The following SOX5 variants were observed in gnomAD, a reference collection of about 807,000 sequenced individuals.
SOX5 encodes the protein transcription factor SOX-5.
SOX5 carries 9 observed loss-of-function variants against 92.0 expected under a neutral mutation model. The ratio of observed to expected loss-of-function variants is 0.10; its 90% CI spans 0.06 to 0.17. SOX5 has a LOEUF of 0.17. Among genes scored for constraint, SOX5 ranks in the 10% least tolerant of loss-of-function variants. The pLI, the probability that SOX5 is intolerant of heterozygous loss-of-function variation, is 1.00. For synonymous variants in SOX5, 344 were observed against 336.3 expected (o/e 1.02, Z -0.25); for missense variants, 642 against 944.5 (o/e 0.68, Z 4.20).
At chr12:24,206,594 AATCCTTTTT>A (rs1424108837) in intron 4 of SOX5, among the ~76,000 whole-genome samples, 1 of 151,596 alleles carries the variant, frequency 6.6e-6, no homozygotes, top group African/African-American at 2.4e-5. Context: ...TCCCCCCAAG[AATCCTTTTT>A]ATCAGCAGAT....
At chr12:24,148,685 TACTAA>T (rs1951338010) in intron 4 of SOX5, among the ~76,000 whole-genome samples, 1 of 47,710 alleles carries the variant, frequency 2.1e-5, no homozygotes, top group Admixed American at 3.1e-4. Flanking sequence ...CCCCCATCTC[TACTAA>T]AAAAAAAAAA....
intron 4 of SOX5, among the ~76,000 whole-genome samples, chr12:23,745,482 G>A (rs1010276346): frequency 4.6e-5 from 7 of 152,064 alleles, no homozygotes; most frequent in Admixed American, 1.3e-4. Flanking sequence ...AGAAAAAACT[G>A]TCAAGTCATT....
At chr12:23,658,458 C>A (rs2082596616) in intron 7 of SOX5, among the ~76,000 whole-genome samples, 1 of 152,048 alleles carries the variant, frequency 6.6e-6, no homozygotes, top group Non-Finnish European at 1.5e-5. Context: ...ATTCAGGTAC[C>A]AAAATAATTC....
chr12:23,938,446 T>G (rs1943022744), intron 1 of SOX5, among the ~76,000 whole-genome samples: 1 of 151,040 alleles, frequency 6.6e-6, no homozygotes, highest in Non-Finnish European at 1.5e-5. Context: ...TTTCAAAATG[T>G]TTGTACAAAG....
chr12:23,677,677 C>T (rs570892400), intron 6 of SOX5, among the ~76,000 whole-genome samples: 2 of 152,180 alleles, frequency 1.3e-5, no homozygotes, highest in East Asian at 3.9e-4. Context: ...TGTGATTATC[C>T]TGCTTATATT....
intron 5 of SOX5, among the ~76,000 whole-genome samples, chr12:23,735,555 T>C (rs1168904324): frequency 6.6e-6 from 1 of 152,186 alleles, no homozygotes; most frequent in Non-Finnish European, 1.5e-5. Context: ...AGGCTCAATT[T>C]TAGACTTTGT....
intron 4 of SOX5, among the ~76,000 whole-genome samples, chr12:23,976,398 CAAAAAAACAAA>C (rs1277946015): frequency 9.4e-6 from 1 of 106,776 alleles, no homozygotes; most frequent in East Asian, 3.2e-4. Context: ...ATTAAAAAAA[CAAAAAAACAAA>C]AAAAAAAAAA....
chr12:24,469,753 T>C (rs1944601020), intron 1 of SOX5, among the ~76,000 whole-genome samples: 2 of 152,226 alleles, frequency 1.3e-5, no homozygotes, highest in Non-Finnish European at 2.9e-5. Context: ...TAAATTACCA[T>C]ACTGGGTATC....
At chr12:23,943,371 A>G (rs1021884542) in intron 1 of SOX5, among the ~76,000 whole-genome samples, 2 of 152,090 alleles carry the variant, frequency 1.3e-5, no homozygotes, top group Admixed American at 6.6e-5. Flanking sequence ...AAAACATTTC[A>G]GTACAAGGCA....
intron 3 of SOX5, among the ~76,000 whole-genome samples, chr12:23,803,704 G>A (rs560155737): frequency 6.6e-6 from 1 of 152,338 alleles, no homozygotes; most frequent in East Asian, 1.9e-4. Context: ...GTGATTAAGT[G>A]CTGTGAGGTA....
intron 9 of SOX5, among the ~76,000 whole-genome samples, chr12:23,581,379 A>G (rs1353139108): frequency 6.6e-6 from 1 of 152,098 alleles, no homozygotes; most frequent in African/African-American, 2.4e-5. Context: ...TTTCATCTTT[A>G]TTTACATCTT....
chr12:24,278,854 G>C (rs947360314), intron 2 of SOX5, among the ~76,000 whole-genome samples: 11 of 144,694 alleles, frequency 7.6e-5, no homozygotes, highest in Non-Finnish European at 1.5e-5. Flanking sequence ...ATTGTACTTA[G>C]AAAAAATACC....
chr12:24,229,888 G>A (rs1034495539), intron 3 of SOX5, among the ~76,000 whole-genome samples: 20 of 152,144 alleles, frequency 1.3e-4, no homozygotes, highest in African/African-American at 4.8e-4. Flanking sequence ...TTTATTCCAG[G>A]CAGTTATAAA....
chr12:23,667,014 C>A (rs1335174490), intron 6 of SOX5, among the ~76,000 whole-genome samples: 1 of 151,938 alleles, frequency 6.6e-6, no homozygotes, highest in Non-Finnish European at 1.5e-5. Context: ...CACAGTAAAC[C>A]TCTGAGCTGT....
chr12:24,456,877 T>G (rs1566211206), intron 1 of SOX5, among the ~76,000 whole-genome samples: 1 of 152,234 alleles, frequency 6.6e-6, no homozygotes, highest in Non-Finnish European at 1.5e-5. Flanking sequence ...TTAGCATTCA[T>G]GATTTCATAG....
intron 2 of SOX5, among the ~76,000 whole-genome samples, chr12:24,333,071 T>A (rs1200006269): frequency 6.6e-6 from 1 of 151,880 alleles, no homozygotes; most frequent in Non-Finnish European, 1.5e-5. Context: ...AAAAAACAAA[T>A]ACATGGAAAA....
intron 2 of SOX5, among the ~76,000 whole-genome samples, chr12:24,350,047 G>T (rs1021613593): frequency 6.6e-6 from 1 of 152,196 alleles, no homozygotes; most frequent in Non-Finnish European, 1.5e-5. Flanking sequence ...TGCCAAAGGA[G>T]ATTGAGAAAC....
At chr12:23,817,511 C>T (rs2096018518) in intron 3 of SOX5, among the ~76,000 whole-genome samples, 1 of 152,118 alleles carries the variant, frequency 6.6e-6, no homozygotes, top group Non-Finnish European at 1.5e-5. Flanking sequence ...TCCAGATAAG[C>T]TGGCATGATG....
chr12:23,683,595 T>C (rs187811998), intron 6 of SOX5, among the ~76,000 whole-genome samples: 8 of 152,064 alleles, frequency 5.3e-5, no homozygotes, highest in Admixed American at 2.0e-4. Flanking sequence ...CTGATCCTCA[T>C]CACAGGAAAC....
Sources: gnomAD v4.1 joint callset for allele counts (sites outside exome capture counted in the v4.1 genomes callset) on GRCh38, gnomAD v4.1.1 for gene constraint, MANE v1.5 for transcripts, NCBI Gene and HGNC (gene_info 2026-07-23, HGNC 2026-07-21) for gene names.